Variants in SRPK1 observed in about 807,000 individuals in gnomAD.
SRPK1 encodes the protein SRSF protein kinase 1.
Under a neutral mutation model 89.5 loss-of-function variants are expected in SRPK1, and 52 were observed. That is an observed-to-expected ratio of 0.58 (90% CI 0.46 to 0.73). The LOEUF is 0.73. SRPK1 is among the 30% of genes least tolerant of loss of function. The pLI is 0.00. For missense variants in SRPK1, 603 were observed against 780.6 expected (o/e 0.77, Z 2.71); for synonymous variants, 255 against 270.2 (o/e 0.94, Z 0.55).
At chr6:35,916,585 G>A (rs1001778144) in intron 2 of SRPK1, among the ~76,000 whole-genome samples, 1 of 151,530 alleles carries the variant, frequency 6.6e-6, no homozygotes, top group Admixed American at 6.6e-5. Context: ...TCTCCCAAAT[G>A]ACTCCACAAA....
At chr6:35,907,575 C>A (rs1770874602) in intron 2 of SRPK1, among the ~76,000 whole-genome samples, 1 of 151,974 alleles carries the variant, frequency 6.6e-6, no homozygotes, top group Non-Finnish European at 1.5e-5. Flanking sequence ...TGTGGTGGCA[C>A]ATGTCTGTAA....
intron 10 of SRPK1, 76 bp downstream of exon 10, chr6:35,870,205 C>T: frequency 7.6e-7 from 1 of 1,311,620 alleles, no homozygotes; most frequent in Admixed American, 2.3e-5. Context: ...ATGTATGAAA[C>T]CACTGTATTA....
At chr6:35,848,701 C>T (rs879449223) in intron 13 of SRPK1, among the ~76,000 whole-genome samples, 8 of 152,174 alleles carry the variant, frequency 5.3e-5, no homozygotes, top group Admixed American at 3.9e-4. Flanking sequence ...AATGAACCCA[C>T]GCATGTATGG....
intron 2 of SRPK1, among the ~76,000 whole-genome samples, chr6:35,897,380 G>A (rs909752681): frequency 3.9e-5 from 6 of 152,200 alleles, no homozygotes; most frequent in African/African-American, 1.4e-4. Flanking sequence ...TAAGTATGCT[G>A]GAGATGTGCA....
chr6:35,913,969 CTTTT>C (rs545555860), intron 2 of SRPK1, among the ~76,000 whole-genome samples: 2,179 of 92,844 alleles, frequency 0.023, 57 homozygotes, highest in African/African-American at 0.081. Context: ...GATACTTTCT[CTTTT>C]TTTTTTTTTT....
At chr6:35,848,260 C>A (rs372665496) in intron 13 of SRPK1, among the ~76,000 whole-genome samples, 1 of 152,024 alleles carries the variant, frequency 6.6e-6, no homozygotes, top group African/African-American at 2.4e-5. Flanking sequence ...ATCATGAGCA[C>A]AAAGAAGAAA....
chr6:35,835,041 G>A lies in SRPK1; in HGVS notation c.*263C>T, dbSNP rs1561962705. 1 of 344,408 alleles carries A rather than the reference G, an allele frequency of 2.9e-6. No homozygotes were observed. Among genetic ancestry groups the A allele is most frequent in the Admixed American group, 4.2e-5 (1 of 23,830 alleles). 21.3% of individuals were successfully genotyped at this position (344,408 alleles called of 1,614,324 possible). A position where few individuals can be genotyped will look rare whatever the true frequency, so the allele number is the denominator to read the frequency against. ...TGTCCTAATGGGAAGGAAAGGTACA[G>A]GGCAAGAGGCTGTTTCACATTTTAG... is the stretch of plus-strand genomic sequence containing the variant. On this transcript the variant is annotated 3_prime_UTR_variant, in exon 16 of 16. Transcript: ENST00000373825.
At chr6:35,885,406 G>A (rs1191136479) in intron 6 of SRPK1, among the ~76,000 whole-genome samples, 2 of 151,858 alleles carry the variant, frequency 1.3e-5, no homozygotes, top group Non-Finnish European at 1.5e-5. Context: ...AGACATCTGG[G>A]TAATCTGTGA....
chr6:35,888,796 C>G lies in SRPK1; in HGVS notation c.302+19G>C. Reference sequence around the variant, plus strand: ...AGACATCATCTAACTAATTCTTTTACAGAACCACTAAAACTTACTGAATAT... The same window carrying G: ...AGACATCATCTAACTAATTCTTTTAGAGAACCACTAAAACTTACTGAATAT... On this transcript the variant is annotated intron_variant, in intron 4 of 15. Transcript: ENST00000373825. The G allele has an allele frequency of 6.7e-7, 1 of 1,499,348 alleles. No homozygotes were observed. The highest frequency in any genetic ancestry group is 9.3e-7 in the Non-Finnish European group (1 of 1,076,306). The allele number at this position is 1,499,348 out of a possible 1,614,324, so 92.9% of individuals were successfully genotyped here. A position where few individuals can be genotyped will look rare whatever the true frequency, so the allele number is the denominator to read the frequency against.
At position 35,919,813 on chromosome 6, in the gene SRPK1, T is replaced by C. The variant is rs183795450; in HGVS notation, c.74+655A>G. Among the ~76,000 whole-genome samples the C allele has an allele frequency of 5.3e-3, 801 of 152,346 alleles. 9 individuals are homozygous for C. Among genetic ancestry groups the C allele is most frequent in the African/African-American group, 0.018 (748 of 41,574 alleles). ...TTGTTAAAGAACTCTCCCGTTACTATTGTGATGTCCACTCCGGAAGATTAT... is the reference window on the plus strand; with the variant it reads ...TTGTTAAAGAACTCTCCCGTTACTACTGTGATGTCCACTCCGGAAGATTAT... On this transcript the variant is annotated intron_variant, in intron 2 of 15. Coordinates refer to ENST00000373825, the MANE Select transcript of SRPK1 (RefSeq NM_003137.5).
chr6:35,857,155 G>T, intron 13 of SRPK1, 106 bp downstream of exon 13: 1 of 786,696 alleles, frequency 1.3e-6, no homozygotes, highest in Non-Finnish European at 2.1e-6. Context: ...TAAATCATCT[G>T]TGTTACGTTC....
intron 2 of SRPK1, among the ~76,000 whole-genome samples, chr6:35,906,312 C>A (rs1319241664): frequency 6.6e-6 from 1 of 152,156 alleles, no homozygotes; most frequent in Admixed American, 6.5e-5. Context: ...GCAACCTCCA[C>A]CTCCCAGGTT....
At position 35,869,813 on chromosome 6, in the gene SRPK1, A is replaced by C. The variant is rs1473934058; in HGVS notation, c.1080T>G (p.Ile360Met). The change falls in exon 11 of 16, where the codon ATT (isoleucine) becomes ATG (methionine). Residue 360 changes from isoleucine (I) to methionine (M), a missense_variant. By Grantham distance (10) the Ile-to-Met change is conservative. Coordinates refer to ENST00000373825, the MANE Select transcript of SRPK1 (RefSeq NM_003137.5). ...TGTTCTGAGTATAATTAATGACTTC[A>C]ATCACTCCATTGCAATTAATTTCTG... The part of the protein sequence containing the change: ...GAAEINCNGV[I>M]EVINYTQNSN... 4.3e-6 allele frequency: 7 copies of C among 1,613,384 alleles called. No homozygotes were observed. Among genetic ancestry groups the C allele is most frequent in the Non-Finnish European group, 5.9e-6 (7 of 1,179,610 alleles).
At chr6:35,843,731 G>A (rs1249157663) in intron 13 of SRPK1, among the ~76,000 whole-genome samples, 1 of 152,158 alleles carries the variant, frequency 6.6e-6, no homozygotes, top group Non-Finnish European at 1.5e-5. Context: ...TTACAGGCGT[G>A]AGCCACCATG....
chr6:35,839,958 G>A (rs953848512), intron 14 of SRPK1, among the ~76,000 whole-genome samples: 6 of 152,062 alleles, frequency 3.9e-5, no homozygotes, highest in Admixed American at 2.0e-4. Context: ...GATTACAGGT[G>A]TGAGCCACTG....
At chr6:35,874,792 T>C (rs1045404831) in intron 6 of SRPK1, among the ~76,000 whole-genome samples, 1 of 152,216 alleles carries the variant, frequency 6.6e-6, no homozygotes, top group Non-Finnish European at 1.5e-5. Context: ...AAGAGATGAA[T>C]GTACAAGAAA....
At chr6:35,838,457 G>A (rs1435742840) in intron 14 of SRPK1, 28 bp from the exon 15 acceptor site, 2 of 1,540,486 alleles carry the variant, frequency 1.3e-6, no homozygotes, top group East Asian at 2.3e-5. Context: ...TTCAAGAGGG[G>A]GGAAAAAAAA....
At chr6:35,888,648 G>A (rs1474981294) in intron 4 of SRPK1, among the ~76,000 whole-genome samples, 167 bp downstream of exon 4, 1 of 152,132 alleles carries the variant, frequency 6.6e-6, no homozygotes, top group East Asian at 1.9e-4. Context: ...GATTCTTCAC[G>A]AAAGAAAAGT....
In SRPK1 at chr6:35,919,367, C is replaced by G. The variant is rs138483414; in HGVS notation, c.74+1101G>C. On this transcript the variant is annotated intron_variant, in intron 2 of 15. Transcript: ENST00000373825. Reference sequence around the variant, plus strand: ...AGGTAGCCTCCAAAAACAACACACACCCCTACACCCCCCTAATCTGGTATT... The same window carrying G: ...AGGTAGCCTCCAAAAACAACACACAGCCCTACACCCCCCTAATCTGGTATT... Among the ~76,000 whole-genome samples the G allele has an allele frequency of 3.2e-3, 485 of 152,284 alleles. 3 individuals are homozygous for G. Among genetic ancestry groups the G allele is most frequent in the African/African-American group, 0.011 (457 of 41,550 alleles).
Sources: allele counts gnomAD v4.1 joint callset (sites outside exome capture counted in the v4.1 genomes callset), GRCh38; gene constraint gnomAD v4.1.1; transcripts MANE v1.5; gene names NCBI Gene and HGNC (gene_info 2026-07-23, HGNC 2026-07-21).